The following EPB41L3 variants were observed in gnomAD, a reference collection of about 807,000 sequenced individuals.
EPB41L3 encodes erythrocyte membrane protein band 4.1 like 3, also known as band 4.1-like protein 3.
A neutral mutation model predicts 127.1 loss-of-function variants in EPB41L3; 57 were observed. The observed-to-expected ratio is 0.45, with a 90% CI of 0.36 to 0.56. The LOEUF (loss-of-function observed/expected upper bound fraction) is 0.56. Among genes scored for constraint, EPB41L3 ranks in the 20% least tolerant of loss-of-function variants. EPB41L3 has a pLI of 0.00. For missense variants in EPB41L3, 1,273 were observed against 1,372.2 expected (o/e 0.93, Z 1.14); for synonymous variants, 572 against 549.5 (o/e 1.04, Z -0.57).
At chr18:5,590,130 T>C (rs930217291) in intron 3 of EPB41L3, among the ~76,000 whole-genome samples, 12 of 152,188 alleles carry the variant, frequency 7.9e-5, no homozygotes, top group African/African-American at 2.9e-4. Context: ...CTCCATTCTT[T>C]TGAAGCGGCC....
intron 1 of EPB41L3, among the ~76,000 whole-genome samples, chr18:5,622,443 T>C: frequency 6.6e-6 from 1 of 152,226 alleles, no homozygotes; most frequent in South Asian, 2.1e-4. Flanking sequence ...TAGTACCTAC[T>C]GGTACTGAAA....
At chr18:5,576,692 C>A (rs1461875845) in intron 3 of EPB41L3, among the ~76,000 whole-genome samples, 1 of 152,160 alleles carries the variant, frequency 6.6e-6, no homozygotes, top group African/African-American at 2.4e-5. Flanking sequence ...TTGTGGGCAG[C>A]CCCATGCCTC....
chr18:5,470,238 G>C (rs1035940770), intron 3 of EPB41L3, among the ~76,000 whole-genome samples: 2 of 152,184 alleles, frequency 1.3e-5, no homozygotes, highest in African/African-American at 4.8e-5. Flanking sequence ...CATTCCCAAT[G>C]TCCCTTCCAG....
chr18:5,483,008 A>C (rs1251932416), intron 2 of EPB41L3, among the ~76,000 whole-genome samples: 1 of 152,226 alleles, frequency 6.6e-6, no homozygotes, highest in African/African-American at 2.4e-5. Context: ...TGTACAATGT[A>C]CTACTAGTAC....
chr18:5,523,320 T>C (rs570772817), intron 1 of EPB41L3, among the ~76,000 whole-genome samples: 43 of 152,326 alleles, frequency 2.8e-4, no homozygotes, highest in Admixed American at 1.4e-3. Flanking sequence ...AGTCTTCCTT[T>C]GTTTCTTTTC....
chr18:5,607,486 A>G (rs2094673044), intron 3 of EPB41L3, among the ~76,000 whole-genome samples: 1 of 152,214 alleles, frequency 6.6e-6, no homozygotes, highest in Non-Finnish European at 1.5e-5. Context: ...GAGAAAGGCC[A>G]TATTACCCTG....
chr18:5,498,113 C>T (rs1344914925), intron 1 of EPB41L3, among the ~76,000 whole-genome samples: 1 of 152,182 alleles, frequency 6.6e-6, no homozygotes, highest in African/African-American at 2.4e-5. Context: ...CAGTGTTTCC[C>T]AGAACATACT....
chr18:5,547,368 T>G (rs1188704806), upstream of EPB41L3, among the ~76,000 whole-genome samples: 2 of 152,208 alleles, frequency 1.3e-5, no homozygotes, highest in East Asian at 1.9e-4. Flanking sequence ...CTAGAATTAG[T>G]GCCAATTTGG....
At chr18:5,512,387 C>G (rs941660693) in intron 1 of EPB41L3, among the ~76,000 whole-genome samples, 1 of 152,098 alleles carries the variant, frequency 6.6e-6, no homozygotes, top group African/African-American at 2.4e-5. Flanking sequence ...AAGAATACAG[C>G]AAGGTGAAGA....
intron 19 of EPB41L3, 141 bp downstream of exon 19, chr18:5,396,060 C>A (rs543291019): frequency 5.9e-6 from 6 of 1,016,326 alleles, no homozygotes; most frequent in Non-Finnish European, 8.9e-6. Context: ...ACCATTATTG[C>A]ATCACTTTTA....
chr18:5,565,370 C>G (rs980090768), intron 3 of EPB41L3, among the ~76,000 whole-genome samples: 3 of 152,034 alleles, frequency 2.0e-5, no homozygotes, highest in African/African-American at 7.2e-5. Flanking sequence ...CAAGATCGTG[C>G]CATTGCACTC....
intron 1 of EPB41L3, among the ~76,000 whole-genome samples, chr18:5,536,080 A>AG (rs951399334): frequency 1.5e-4 from 23 of 152,252 alleles, no homozygotes; most frequent in African/African-American, 4.6e-4. Context: ...CCAGGAACTC[A>AG]GGTTAGGCTT....
In EPB41L3 at chr18:5,393,082, TA is replaced by T. The variant is rs1331977024; in HGVS notation, c.*402del. On this transcript the variant is annotated 3_prime_UTR_variant, in exon 23 of 23. Transcript: ENST00000341928. Reference sequence around the variant, plus strand: ...TCTTCATTTATTGTAAATATAAGGTTACCTAAGAAATTGCAATTTTGTTTAG... The same window carrying T: ...TCTTCATTTATTGTAAATATAAGGTTCCTAAGAAATTGCAATTTTGTTTAG... 1 of 173,524 alleles carries T rather than the reference TA, an allele frequency of 5.8e-6. No homozygotes were observed. Among genetic ancestry groups the T allele is most frequent in the Non-Finnish European group, 1.2e-5 (1 of 82,334 alleles). 10.7% of individuals were successfully genotyped at this position (173,524 alleles called of 1,614,324 possible).
At chr18:5,513,786 T>C (rs1451424273) in intron 1 of EPB41L3, among the ~76,000 whole-genome samples, 1 of 152,194 alleles carries the variant, frequency 6.6e-6, no homozygotes, top group Non-Finnish European at 1.5e-5. Flanking sequence ...TCTTAAGTAC[T>C]CAGACATTAG....
rs376017456 is a variant in EPB41L3 at position 5,397,379 on chromosome 18, G to A, written c.2520C>T (p.Thr840=). 71 of 1,613,798 alleles carry A rather than the reference G, an allele frequency of 4.4e-5. 1 individual carries two copies. The highest frequency in any genetic ancestry group is 2.7e-4 in the Admixed American group (16 of 60,004). The change falls in exon 18 of 23, where the codon ACC becomes ACT. Residue 840 remains threonine, a synonymous_variant. Transcript: ENST00000341928. This position sits in a 1 kb window ranked among gnomAD's most constrained non-coding sequence, Gnocchi z 4.1. ...CAGTGCTAAGCGGCAGGTGGTGCAC[G>A]GTGGGTTCCGTCTCTATTCCACTGG... ...TESSGIETEP[T]VHHLPLSTEK... is the part of the protein sequence containing the mutation.
chr18:5,498,594 CAA>C (rs397828412), intron 1 of EPB41L3, among the ~76,000 whole-genome samples: 1 of 70,502 alleles, frequency 1.4e-5, no homozygotes, highest in African/African-American at 5.9e-5. Context: ...GACTCCATCT[CAA>C]AAAAAAAAAA....
intron 16 of EPB41L3, chr18:5,398,906 G>A (rs965503365): frequency 2.5e-5 from 10 of 398,952 alleles, no homozygotes; most frequent in South Asian, 1.3e-4. Context: ...GGCGAGACTC[G>A]GCCTCCTTGA....
rs925868339 is a variant in EPB41L3 at position 5,446,073 on chromosome 18, A to C, written c.382-829T>G. 5.3e-5 allele frequency among the ~76,000 whole-genome samples: 8 copies of C among 152,344 alleles called. 1 individual carries two copies. The highest frequency in any genetic ancestry group is 4.6e-4 in the Admixed American group (7 of 15,310). On this transcript the variant is annotated intron_variant, in intron 3 of 22. Transcript: ENST00000341928. ...CCTTGTCTTAGGCAGACTCTCACTT[A>C]AAACCTATCCCAAATCCTTAGTTAG...
rs752088439 is a variant in EPB41L3 at position 5,438,100 on chromosome 18, C to A, written c.540G>T (p.Trp180Cys). The A allele has an allele frequency of 6.2e-7, 1 of 1,613,284 alleles. No individual in the cohort carries two copies. Among genetic ancestry groups the A allele is most frequent in the East Asian group, 2.2e-5 (1 of 44,840 alleles). ...AAAATTTCACATTAAATGAAAAGTGCCAAGCACCACCTGCAAGGATGGAAA... is the reference window on the plus strand; with the variant it reads ...AAAATTTCACATTAAATGAAAAGTGACAAGCACCACCTGCAAGGATGGAAA... ...EIKKQVRSGA[W>C]HFSFNVKFYP... is the part of the protein sequence containing the mutation. The change falls in exon 6 of 23, where the codon TGG becomes TGT. Residue 180 changes from tryptophan to cysteine, a missense_variant. By Grantham distance (215) the Trp-to-Cys change is radical. Coordinates refer to ENST00000341928, the MANE Select transcript of EPB41L3 (RefSeq NM_012307.5).
Sources: gnomAD v4.1 joint callset for allele counts (sites outside exome capture counted in the v4.1 genomes callset) on GRCh38, gnomAD v4.1.1 for gene constraint, Gnocchi (gnomAD v3.1) non-coding constraint, MANE v1.5 for transcripts, NCBI Gene and HGNC (gene_info 2026-07-23, HGNC 2026-07-21) for gene names.